SLC17A5: variants seen among roughly 807,000 people sequenced by gnomAD.
SLC17A5 encodes solute carrier family 17 member 5.
Under a neutral mutation model 59.4 loss-of-function variants are expected in SLC17A5, and 47 were observed. That is an observed-to-expected ratio of 0.79 (90% CI 0.63 to 1.01). The LOEUF (loss-of-function observed/expected upper bound fraction) is 1.01, where lower values mean the gene tolerates loss of function less well. SLC17A5 is among the 50% of genes least tolerant of loss of function. The probability of loss-of-function intolerance (pLI) is 0.00; values close to 1 mark genes in which losing one functional copy is unlikely to be tolerated. For synonymous variants in SLC17A5, 202 were observed against 210.7 expected (o/e 0.96, Z 0.36); for missense variants, 522 against 595.5 (o/e 0.88, Z 1.28).
In SLC17A5 at chr6:73,636,449, C is replaced by T. The variant is rs527606; in HGVS notation, c.700+172G>A. Among the ~76,000 whole-genome samples the T allele has an allele frequency of 0.16, 24,910 of 152,042 alleles. 3,158 individuals carry two copies. The highest frequency in any genetic ancestry group is 0.35 in the African/African-American group (14,406 of 41,436). On this transcript the variant is annotated intron_variant, in intron 5 of 10. Transcript: ENST00000355773. ...AAATATTCCAAAACTAACATCAGCT[C>T]GTAACTCAAATAGGTCAAGTAAATC...
At chr6:73,596,748 C>T (rs560468738) in intron 10 of SLC17A5, among the ~76,000 whole-genome samples, 13 of 151,814 alleles carry the variant, frequency 8.6e-5, no homozygotes, top group African/African-American at 2.4e-4. Context: ...CCCAGCTACT[C>T]GGGAGGCTGA....
In SLC17A5 at chr6:73,641,787, G is replaced by A; in HGVS notation, c.429C>T (p.Ile143=). ...ACAGGGTGAGGACAGCAGTGCCAAG[G>A]ATCCCAAATCCTAGCAGCATTTTCC... ...IGGKMLLGFG[I]LGTAVLTLFT... The change falls in exon 3 of 11, where the codon ATC becomes ATT. Residue 143 remains isoleucine, a synonymous_variant. Transcript: ENST00000355773. The A allele has an allele frequency of 6.2e-7, 1 of 1,614,046 alleles. No homozygotes were observed. Among genetic ancestry groups the A allele is most frequent in the Non-Finnish European group, 8.5e-7 (1 of 1,180,012 alleles).
At chr6:73,651,996 C>CTG (rs72556223) in intron 1 of SLC17A5, among the ~76,000 whole-genome samples, 127,074 of 151,974 alleles carry the variant, frequency 0.84, 54,234 homozygotes, top group Non-Finnish European at 0.93. Flanking sequence ...GAATTGATAA[C>CTG]TTTAATCTGG....
At chr6:73,621,504 T>C (rs1023389602) in intron 7 of SLC17A5, among the ~76,000 whole-genome samples, 4 of 152,232 alleles carry the variant, frequency 2.6e-5, no homozygotes, top group Non-Finnish European at 5.9e-5. Flanking sequence ...TGTGTATTCG[T>C]ATTCAAGTCC....
At chr6:73,607,825 G>A (rs1356345791) in intron 9 of SLC17A5, among the ~76,000 whole-genome samples, 2 of 147,076 alleles carry the variant, frequency 1.4e-5, no homozygotes, top group Non-Finnish European at 3.0e-5. Flanking sequence ...CACCCAGGCT[G>A]GAGCACAGTG....
intron 9 of SLC17A5, among the ~76,000 whole-genome samples, chr6:73,600,821 A>G (rs1767027132): frequency 6.6e-6 from 1 of 152,202 alleles, no homozygotes; most frequent in African/African-American, 2.4e-5. Flanking sequence ...ATAGACAGCT[A>G]TTCTGCTCCA....
intron 7 of SLC17A5, among the ~76,000 whole-genome samples, chr6:73,621,079 C>G (rs1375178263): frequency 6.6e-6 from 1 of 151,792 alleles, no homozygotes; most frequent in Non-Finnish European, 1.5e-5. Flanking sequence ...GATCCTGGGT[C>G]ACCACAATTT....
chr6:73,626,757 A>G lies in SLC17A5; in HGVS notation c.820-4795T>C, dbSNP rs576648402. 3.3e-5 allele frequency among the ~76,000 whole-genome samples: 5 copies of G among 152,322 alleles called. No individual in the cohort carries two copies. The South Asian group carries it at 1.0e-3, about 32-fold the overall frequency. On this transcript the variant is annotated intron_variant, in intron 6 of 10. Coordinates refer to ENST00000355773, the MANE Select transcript of SLC17A5 (RefSeq NM_012434.5). ...AAAACCCTTGTCATATGTGTGACAT[A>G]TGTGTGACTGAATAACTAAATTTTT...
chr6:73,643,449 C>G (rs745770686), intron 2 of SLC17A5, among the ~76,000 whole-genome samples: 5 of 149,068 alleles, frequency 3.4e-5, no homozygotes, highest in African/African-American at 1.2e-4. Context: ...TGTGAGCCAC[C>G]GCGCCCGGCC....
At chr6:73,618,850 G>A (rs959462727) in intron 7 of SLC17A5, among the ~76,000 whole-genome samples, 1 of 151,944 alleles carries the variant, frequency 6.6e-6, no homozygotes, top group African/African-American at 2.4e-5. Context: ...TCAGTCTCCC[G>A]AGGTGCTGGG....
chr6:73,637,773 C>A (rs1469813766), intron 4 of SLC17A5, among the ~76,000 whole-genome samples: 1 of 152,072 alleles, frequency 6.6e-6, no homozygotes, highest in Non-Finnish European at 1.5e-5. Context: ...ACAGAGAGGC[C>A]TTTTCTCAAC....
chr6:73,653,156 T>C, intron 1 of SLC17A5: 1 of 985,434 alleles, frequency 1.0e-6, no homozygotes, highest in Non-Finnish European at 1.2e-6. Flanking sequence ...TTTAGTCTCT[T>C]ACTGCACAAT....
chr6:73,627,913 T>G (rs963537283), intron 6 of SLC17A5, among the ~76,000 whole-genome samples: 2 of 148,586 alleles, frequency 1.3e-5, no homozygotes, highest in Non-Finnish European at 3.0e-5. Flanking sequence ...TGAGCCACTG[T>G]GCCTGCCACT....
At chr6:73,616,994 A>G (rs1767902527) in intron 7 of SLC17A5, among the ~76,000 whole-genome samples, 1 of 151,910 alleles carries the variant, frequency 6.6e-6, no homozygotes, top group Admixed American at 6.6e-5. Flanking sequence ...TTAAACAAAC[A>G]AACAAAAAAA....
intron 6 of SLC17A5, among the ~76,000 whole-genome samples, chr6:73,624,882 A>AATAT (rs112739269): frequency 5.3e-5 from 8 of 151,556 alleles, no homozygotes; most frequent in African/African-American, 1.5e-4. Flanking sequence ...AAAAGAAAAC[A>AATAT]ATATATATAT....
chr6:73,614,251 G>A (rs1426587810), intron 8 of SLC17A5, among the ~76,000 whole-genome samples: 1 of 152,124 alleles, frequency 6.6e-6, no homozygotes. Flanking sequence ...TGGGCTAAGA[G>A]TGAGCCCCTG....
At chr6:73,643,034 G>C (rs1227770669) in intron 2 of SLC17A5, among the ~76,000 whole-genome samples, 9 of 152,114 alleles carry the variant, frequency 5.9e-5, no homozygotes, top group Admixed American at 3.9e-4. Context: ...ATTTTGTTTA[G>C]AGAGAAACCC....
Position 73,641,829 on chromosome 6 carries a change from A to G in SLC17A5, c.387T>C (p.Val129=), listed in dbSNP as rs749016995. The change falls in exon 3 of 11, where the codon GTT becomes GTC. Residue 129 remains valine (V), a synonymous_variant. Coordinates refer to ENST00000355773, the MANE Select transcript of SLC17A5 (RefSeq NM_012434.5). The stretch of plus-strand genomic sequence containing the variant: ...GCATTTTCCCCCCTATTTTGCTGGC[A>G]ACATATCCTCCAGGAATCTGTGTGA... ...YIITQIPGGY[V]ASKIGGKMLL... is the part of the protein sequence containing the mutation. 6.2e-7 allele frequency: 1 copy of G among 1,614,208 alleles called. No homozygotes were observed. Among genetic ancestry groups the G allele is most frequent in the Non-Finnish European group, 8.5e-7 (1 of 1,180,040 alleles).
rs373626798 is a variant in SLC17A5 at position 73,643,038 on chromosome 6, G to A, written c.292-1114C>T. Among the ~76,000 whole-genome samples, 5 of 152,224 alleles carry A rather than the reference G, an allele frequency of 3.3e-5. No individual in the cohort carries two copies. In the South Asian group the frequency reaches 6.2e-4, roughly 19 times the overall value. ...CGGAGAGATTTATTTTGTTTAGAGA[G>A]AAACCCTCTTTCCTGCTTGAATGCT... On this transcript the variant is annotated intron_variant, in intron 2 of 10. Coordinates refer to ENST00000355773, the MANE Select transcript of SLC17A5 (RefSeq NM_012434.5).
Sources: gnomAD v4.1 joint callset for allele counts (sites outside exome capture counted in the v4.1 genomes callset) on GRCh38, gnomAD v4.1.1 for gene constraint, MANE v1.5 for transcripts, NCBI Gene and HGNC (gene_info 2026-07-23, HGNC 2026-07-21) for gene names.